The following BTG4 variants were observed in gnomAD, a reference collection of about 807,000 sequenced individuals.
The protein encoded by BTG4 is BTG anti-proliferation factor 4.
In BTG4, 10 loss-of-function variants were observed where a neutral mutation model predicts 19.3. The observed-to-expected ratio is 0.52, with a 90% CI of 0.32 to 0.88. The LOEUF is 0.88. Ranked by LOEUF, BTG4 falls within the 40% of genes least tolerant of loss-of-function variation. BTG4 has a pLI of 0.04. For synonymous variants in BTG4, 91 were observed against 95.7 expected (o/e 0.95, Z 0.29); for missense variants, 238 against 281.9 (o/e 0.84, Z 1.11).
the BTG4 span, among the ~76,000 whole-genome samples, chr11:111,386,975 G>A: frequency 6.6e-6 from 1 of 152,222 alleles, no homozygotes; most frequent in Non-Finnish European, 1.5e-5. Context: ...TCTGGCTGCA[G>A]TGCTAGCAGT....
chr11:111,404,595 A>G, the BTG4 span: 2 of 456,214 alleles, frequency 4.4e-6, no homozygotes, highest in East Asian at 6.9e-5. Flanking sequence ...CTCAAAGGGT[A>G]ACAGACCCCA....
At chr11:111,498,831 A>G in intron 1 of BTG4, 29 bp from the exon 2 acceptor site, 1 of 1,436,100 alleles carries the variant, frequency 7.0e-7, no homozygotes, top group Non-Finnish European at 9.5e-7. Context: ...GCAAGAAGAA[A>G]TAGAAAGAAA....
chr11:111,393,871 T>C, the BTG4 span, among the ~76,000 whole-genome samples: 1 of 152,192 alleles, frequency 6.6e-6, no homozygotes, highest in African/African-American at 2.4e-5. Flanking sequence ...AAAAACTCCA[T>C]AGCAAACAGC....
At chr11:111,460,705 T>C in the BTG4 span, among the ~76,000 whole-genome samples, 1 of 152,208 alleles carries the variant, frequency 6.6e-6, no homozygotes, top group Non-Finnish European at 1.5e-5. Flanking sequence ...TCTTCTATCA[T>C]GAAAGCCACG....
the BTG4 span, among the ~76,000 whole-genome samples, chr11:111,421,460 G>A: frequency 2.6e-5 from 4 of 152,180 alleles, no homozygotes; most frequent in Admixed American, 6.5e-5. Flanking sequence ...CAAAATTTAG[G>A]TTTGCACGTG....
intron 5 of BTG4, among the ~76,000 whole-genome samples, chr11:111,471,923 C>T (rs140549524): frequency 1.1e-3 from 173 of 152,322 alleles, no homozygotes; most frequent in African/African-American, 4.0e-3. Context: ...CTGTTACACA[C>T]ACCCACAACC....
the BTG4 span, chr11:111,457,810 T>C: frequency 0.32 from 48,035 of 149,614 alleles, 7,920 homozygotes; most frequent in Admixed American, 0.45. Context: ...GCTGGTTCCC[T>C]CTCCCACCTT....
downstream of BTG4, among the ~76,000 whole-genome samples, chr11:111,490,153 G>T (rs1485181781): frequency 6.6e-6 from 1 of 151,716 alleles, no homozygotes; most frequent in Non-Finnish European, 1.5e-5. Flanking sequence ...GTGGTGGCGG[G>T]CACGTGCTAC....
intron 1 of BTG4, among the ~76,000 whole-genome samples, chr11:111,499,050 T>G (rs2135689088): frequency 6.6e-6 from 1 of 152,276 alleles, no homozygotes; most frequent in Middle Eastern, 3.4e-3. Flanking sequence ...TTTTTAAAAT[T>G]TTAAAGCACT....
the BTG4 span, among the ~76,000 whole-genome samples, chr11:111,427,558 C>T: frequency 3.0e-3 from 451 of 152,292 alleles, 3 homozygotes; most frequent in African/African-American, 0.01. Context: ...TGTCAGGCTT[C>T]ATGGGGCTGG....
chr11:111,430,955 A>G, the BTG4 span, among the ~76,000 whole-genome samples: 1 of 152,200 alleles, frequency 6.6e-6, no homozygotes, highest in Non-Finnish European at 1.5e-5. Flanking sequence ...TCTTTTTACC[A>G]GATTAAAAGA....
At chr11:111,443,713 G>A in the BTG4 span, among the ~76,000 whole-genome samples, 1 of 152,296 alleles carries the variant, frequency 6.6e-6, no homozygotes, top group African/African-American at 2.4e-5. Flanking sequence ...GGCACTGCCA[G>A]GGTCCTGAGA....
At chr11:111,423,785 G>A in the BTG4 span, among the ~76,000 whole-genome samples, 1 of 152,214 alleles carries the variant, frequency 6.6e-6, no homozygotes, top group Non-Finnish European at 1.5e-5. Flanking sequence ...AGACATGCCA[G>A]GATGAAAACT....
the BTG4 span, among the ~76,000 whole-genome samples, chr11:111,401,333 A>C: frequency 2.4e-5 from 1 of 41,404 alleles, no homozygotes; most frequent in African/African-American, 1.0e-4. Context: ...AATACAAAAA[A>C]TTAGCCGGGC....
chr11:111,435,116 T>C, the BTG4 span: 1 of 152,098 alleles, frequency 6.6e-6, no homozygotes, highest in Non-Finnish European at 1.5e-5. Flanking sequence ...CCCTGGAGGA[T>C]CTAAAATCCA....
downstream of BTG4, among the ~76,000 whole-genome samples, chr11:111,490,892 T>C (rs1206219024): frequency 6.6e-6 from 1 of 152,248 alleles, no homozygotes; most frequent in Non-Finnish European, 1.5e-5. Context: ...TATGTTTTTA[T>C]TTCTCTGGAA....
At chr11:111,407,646 G>C in the BTG4 span, among the ~76,000 whole-genome samples, 1 of 152,206 alleles carries the variant, frequency 6.6e-6, no homozygotes. Context: ...ACTCCAGCGT[G>C]GGGGACAGAG....
chr11:111,493,476 C>T (rs956612454), downstream of BTG4, among the ~76,000 whole-genome samples: 2 of 152,192 alleles, frequency 1.3e-5, no homozygotes, highest in Admixed American at 1.3e-4. Context: ...CATTCACATA[C>T]ATGCCAGCAT....
At chr11:111,391,510 C>G in the BTG4 span, among the ~76,000 whole-genome samples, 13 of 152,146 alleles carry the variant, frequency 8.5e-5, no homozygotes, top group African/African-American at 3.1e-4. Context: ...CTCTGCTGGC[C>G]GGGACTTCTT....
Sources: allele counts gnomAD v4.1 joint callset (sites outside exome capture counted in the v4.1 genomes callset), GRCh38; gene constraint gnomAD v4.1.1; transcripts MANE v1.5; gene names NCBI Gene and HGNC (gene_info 2026-07-23, HGNC 2026-07-21).